ZNF395: variants seen among roughly 807,000 people sequenced by gnomAD.
ZNF395 encodes HD gene regulatory region-binding protein 2.
A neutral mutation model predicts 57.7 loss-of-function variants in ZNF395; 20 were observed. The ratio of observed to expected loss-of-function variants is 0.35; its 90% confidence interval spans 0.24 to 0.50. ZNF395 has a LOEUF of 0.50. Among genes scored for constraint, ZNF395 ranks in the 20% least tolerant of loss-of-function variants. The pLI is 0.97. For missense variants in ZNF395, 606 were observed against 671.2 expected, an observed-to-expected ratio of 0.90 and a Z score of 1.07; for synonymous variants, 295 against 275.9, an observed-to-expected ratio of 1.07 and a Z score of -0.69.
chr8:28,384,545 G>A (rs1802147496), intron 1 of ZNF395, among the ~76,000 whole-genome samples: 1 of 152,078 alleles, frequency 6.6e-6, no homozygotes, highest in Non-Finnish European at 1.5e-5. Flanking sequence ...CCTCTATGAG[G>A]GCAGAAGCCC....
chr8:28,363,732 T>C (rs1801878075), intron 1 of ZNF395, among the ~76,000 whole-genome samples: 1 of 152,212 alleles, frequency 6.6e-6, no homozygotes, highest in Admixed American at 6.5e-5. Flanking sequence ...ATTTCCCAAA[T>C]TCCTGGGCTC....
intron 9 of ZNF395, 111 bp downstream of exon 9, chr8:28,349,014 C>A: frequency 8.2e-7 from 1 of 1,213,288 alleles, no homozygotes; most frequent in South Asian, 1.4e-5. Flanking sequence ...GCCATCTGGG[C>A]TCCTCTCTGG....
chr8:28,361,307 C>T (rs1801846806), intron 1 of ZNF395, 125 bp from the exon 2 acceptor site: 1 of 802,114 alleles, frequency 1.2e-6, no homozygotes, highest in Non-Finnish European at 1.9e-6. Context: ...AAGTGATATC[C>T]ATTCCTAGTA....
chr8:28,362,526 T>C (rs1585857174), intron 1 of ZNF395, among the ~76,000 whole-genome samples: 1 of 152,320 alleles, frequency 6.6e-6, no homozygotes, highest in East Asian at 1.9e-4. Context: ...CCAGTGCCTA[T>C]GGGGCTAATT....
intron 4 of ZNF395, among the ~76,000 whole-genome samples, chr8:28,355,382 T>G (rs1341782462): frequency 1.3e-5 from 2 of 152,128 alleles, no homozygotes; most frequent in African/African-American, 4.8e-5. Flanking sequence ...AAGCCTTATA[T>G]TTCCACTGAC....
chr8:28,357,116 A>T (rs1039528321), intron 3 of ZNF395, among the ~76,000 whole-genome samples: 20 of 152,160 alleles, frequency 1.3e-4, no homozygotes, highest in Non-Finnish European at 2.5e-4. Context: ...TCTGCAGCTT[A>T]AAAAAAGGAG....
chr8:28,372,534 T>A (rs1753414765), intron 1 of ZNF395, among the ~76,000 whole-genome samples: 1 of 152,190 alleles, frequency 6.6e-6, no homozygotes, highest in African/African-American at 2.4e-5. Flanking sequence ...AACAGTCACA[T>A]CCCAGCACTT....
rs1214290615 is a variant in ZNF395 at position 28,354,778 on chromosome 8, C to T, written c.584-1370G>A. ...AGGGCAGAAGACAAGAATCATTAAA[C>T]AGGCCAACAGGTGAAAGACCCACGC... On this transcript the variant is annotated intron_variant, in intron 4 of 9. Transcript: ENST00000344423. Among the ~76,000 whole-genome samples, 5 of 151,946 alleles carry T rather than the reference C, an allele frequency of 3.3e-5. No individual in the cohort carries two copies. The East Asian group carries it at 7.7e-4, about 23-fold the overall frequency.
intron 1 of ZNF395, among the ~76,000 whole-genome samples, chr8:28,368,834 T>C (rs1402707180): frequency 1.3e-5 from 2 of 152,198 alleles, no homozygotes; most frequent in East Asian, 1.9e-4. Context: ...CTCTACTTTC[T>C]TTTCTTTCTC....
chr8:28,385,775 C>T (rs1381702694), intron 1 of ZNF395, among the ~76,000 whole-genome samples: 1 of 148,444 alleles, frequency 6.7e-6, no homozygotes, highest in Admixed American at 6.7e-5. Context: ...AGAGTGGGGG[C>T]GCCGGCGGAG....
chr8:28,367,778 A>G (rs1801928419), intron 1 of ZNF395, among the ~76,000 whole-genome samples: 2 of 152,178 alleles, frequency 1.3e-5, no homozygotes, highest in Admixed American at 6.6e-5. Context: ...GCCTCCTTAG[A>G]CTGATCTTAA....
chr8:28,379,225 T>C (rs780193258), intron 1 of ZNF395, among the ~76,000 whole-genome samples: 179 of 152,356 alleles, frequency 1.2e-3, no homozygotes, highest in Non-Finnish European at 1.9e-3. Context: ...CTTTCCAGGA[T>C]CAAGTCTTCT....
At chr8:28,378,827 C>T (rs2029973) in intron 1 of ZNF395, among the ~76,000 whole-genome samples, 16,559 of 152,154 alleles carry the variant, frequency 0.11, 2,959 homozygotes, top group African/African-American at 0.37. Flanking sequence ...ACTTGAATAC[C>T]GCCAACAGCC....
intron 1 of ZNF395, 106 bp downstream of exon 1, chr8:28,386,287 C>T (rs1454188965): frequency 6.6e-6 from 1 of 151,514 alleles, no homozygotes; most frequent in African/African-American, 2.4e-5. Flanking sequence ...CAGCCCCTGC[C>T]AGCCGGCGCC....
chr8:28,358,730 G>C (rs1030553212), intron 3 of ZNF395, among the ~76,000 whole-genome samples: 8 of 152,172 alleles, frequency 5.3e-5, no homozygotes. Context: ...GGCCTAAATA[G>C]TTTTAAAAAT....
At chr8:28,363,633 A>G (rs1049103981) in intron 1 of ZNF395, among the ~76,000 whole-genome samples, 4 of 152,088 alleles carry the variant, frequency 2.6e-5, no homozygotes, top group African/African-American at 9.7e-5. Context: ...GCCAAAAAAC[A>G]AAACAAAACA....
intron 1 of ZNF395, 145 bp from the exon 2 acceptor site, chr8:28,361,327 G>C: frequency 1.4e-6 from 1 of 719,742 alleles, no homozygotes. Context: ...AGGACAATCG[G>C]AAAAGCAAAC....
intron 1 of ZNF395, among the ~76,000 whole-genome samples, chr8:28,374,376 C>T (rs1354484546): frequency 1.3e-5 from 2 of 152,188 alleles, no homozygotes; most frequent in Admixed American, 1.3e-4. Context: ...GAACAGTCAT[C>T]AAGGAAAACT....
At chr8:28,351,445 C>T (rs1252159467) in intron 7 of ZNF395, 50 bp downstream of exon 7, 4 of 1,521,592 alleles carry the variant, frequency 2.6e-6, no homozygotes, top group Admixed American at 2.1e-5. Flanking sequence ...CAAGCTGGCC[C>T]GTGATGAGTC....
Sources: allele counts gnomAD v4.1 joint callset (sites outside exome capture counted in the v4.1 genomes callset), GRCh38; gene constraint gnomAD v4.1.1; transcripts MANE v1.5; gene names NCBI Gene and HGNC (gene_info 2026-07-23, HGNC 2026-07-21).